Variants in ANAPC1 observed in about 807,000 individuals in gnomAD.
The protein encoded by ANAPC1 is anaphase-promoting complex subunit 1.
ANAPC1 carries 36 observed loss-of-function variants against 208.0 expected under a neutral mutation model. The ratio of observed to expected loss-of-function variants is 0.17; its 90% CI spans 0.13 to 0.23. ANAPC1 has a LOEUF of 0.23. Among genes scored for constraint, ANAPC1 ranks in the 10% least tolerant of loss-of-function variants. ANAPC1 has a pLI of 1.00. For synonymous variants in ANAPC1, 378 were observed against 695.2 expected (o/e 0.54, Z 7.18); for missense variants, 942 against 2,011.6 (o/e 0.47, Z 10.17).
In ANAPC1 at chr2:111,843,590, C is replaced by T. The variant is rs928647556; in HGVS notation, c.1862G>A (p.Cys621Tyr). ...EIATSELVQT[C>Y]LQAIKFILPK... The stretch of plus-strand genomic sequence containing the variant: ...CAGGATAAACTTAATTGCTTGCAAA[C>T]ACGTTTGTACTATTAAAAGCAAAGA... The change falls in exon 17 of 48, where the codon TGT becomes TAT. Residue 621 changes from cysteine to tyrosine, a missense_variant. Coordinates refer to ENST00000341068, the MANE Select transcript of ANAPC1 (RefSeq NM_022662.4). 1.9e-6 allele frequency: 3 copies of T among 1,609,026 alleles called. No individual in the cohort carries two copies. In the African/African-American group the frequency reaches 4.0e-5, roughly 22 times the overall value.
At chr2:111,883,290 A>T (rs77024961) in intron 1 of ANAPC1, among the ~76,000 whole-genome samples, 3,334 of 151,866 alleles carry the variant, frequency 0.022, 111 homozygotes, top group African/African-American at 0.075. Flanking sequence ...ACTTTATGAA[A>T]CTTTAGTTCT....
At chr2:111,824,938 A>G (rs372554847) in intron 24 of ANAPC1, 28 bp downstream of exon 24, 27 of 1,613,176 alleles carry the variant, frequency 1.7e-5, no homozygotes, top group Non-Finnish European at 2.2e-5. Flanking sequence ...AGCACGGCCT[A>G]GTTAGGAGGT....
intron 28 of ANAPC1, 132 bp downstream of exon 28, chr2:111,815,238 T>A: frequency 5.1e-6 from 1 of 194,620 alleles, no homozygotes; most frequent in South Asian, 5.7e-5. Context: ...TTTAGAAAGA[T>A]TATTCCATGT....
intron 7 of ANAPC1, among the ~76,000 whole-genome samples, chr2:111,866,937 T>C (rs1166963630): frequency 6.6e-5 from 10 of 152,204 alleles, no homozygotes. Context: ...GGCAGTTTGC[T>C]GTCCACATAC....
chr2:111,864,894 A>C lies in ANAPC1; in HGVS notation c.743T>G (p.Phe248Cys), dbSNP rs1459073483. 8 of 1,611,748 alleles carry C rather than the reference A, an allele frequency of 5.0e-6. No homozygotes were observed. Among genetic ancestry groups the C allele is most frequent in the Non-Finnish European group, 6.8e-6 (8 of 1,179,760 alleles). ...YVVDHAMKIV[F>C]LNTDPSIVMT... ...TACAATAGAGGGGTCAGTATTGAGG[A>C]AAACAATTTTCATTGCATGATCTAC... Residue 248 changes from phenylalanine to cysteine, a missense_variant, in exon 8 of 48, where the codon TTC becomes TGC. By Grantham distance (205) the Phe-to-Cys change is radical. Coordinates refer to ENST00000341068, the MANE Select transcript of ANAPC1 (RefSeq NM_022662.4).
intron 14 of ANAPC1, among the ~76,000 whole-genome samples, chr2:111,849,311 T>C (rs2104516251): frequency 6.6e-6 from 1 of 152,250 alleles, no homozygotes; most frequent in East Asian, 1.9e-4. Flanking sequence ...TCTAAAAAAG[T>C]TGGAAACCAT....
chr2:111,863,822 G>T lies in ANAPC1; in HGVS notation c.905C>A (p.Thr302Lys), dbSNP rs140170511. The T allele has an allele frequency of 4.9e-4, 792 of 1,613,830 alleles. No individual in the cohort carries two copies. The highest frequency in any genetic ancestry group is 6.5e-4 in the Non-Finnish European group (762 of 1,179,858). Residue 302 changes from threonine to lysine, a missense_variant, in exon 9 of 48, where the codon ACA becomes AAA. Thr to Lys is a moderately conservative substitution (Grantham distance 78). Coordinates refer to ENST00000341068, the MANE Select transcript of ANAPC1 (RefSeq NM_022662.4). ...PQNVATSSSL[T>K]AHLRSLSKGD... ...TTTGGAGAGGCTTCTGAGATGTGCT[G>T]TGAGGGAGCTGCTAGTGGCCACATT...
intron 46 of ANAPC1, among the ~76,000 whole-genome samples, chr2:111,773,615 G>C (rs1009145460): frequency 6.6e-6 from 1 of 151,980 alleles, no homozygotes; most frequent in Admixed American, 6.6e-5. Context: ...GCCTGAGGGA[G>C]AGTGGTCTTG....
At chr2:111,815,146 GAAAAAAAAA>G (rs1223576868) in intron 28 of ANAPC1, among the ~76,000 whole-genome samples, 1 of 68,524 alleles carries the variant, frequency 1.5e-5, no homozygotes, top group African/African-American at 5.6e-5. Flanking sequence ...CTTACTCAAG[GAAAAAAAAA>G]AAAAAAAAAA....
At chr2:111,868,721 C>A (rs1260477849) in intron 6 of ANAPC1, among the ~76,000 whole-genome samples, 1 of 152,056 alleles carries the variant, frequency 6.6e-6, no homozygotes, top group African/African-American at 2.4e-5. Flanking sequence ...TTAGTAGAGA[C>A]GGGGTTTCAC....
intron 21 of ANAPC1, among the ~76,000 whole-genome samples, chr2:111,830,918 T>A (rs185243391): frequency 1.3e-5 from 2 of 152,250 alleles, no homozygotes; most frequent in African/African-American, 4.8e-5. Context: ...GCAAAACTTA[T>A]GTTCACATAA....
At chr2:111,810,874 C>A (rs2104403543) in intron 28 of ANAPC1, among the ~76,000 whole-genome samples, 1 of 105,758 alleles carries the variant, frequency 9.5e-6, no homozygotes, top group Non-Finnish European at 1.9e-5. Flanking sequence ...CAGGGTGAGA[C>A]TCCACATCAA....
intron 3 of ANAPC1, among the ~76,000 whole-genome samples, chr2:111,875,736 G>C (rs1682991405): frequency 6.6e-6 from 1 of 152,162 alleles, no homozygotes; most frequent in Admixed American, 6.5e-5. Context: ...AGGCCCTTTG[G>C]TCTGTATACT....
chr2:111,807,677 G>A (rs1678756699), intron 29 of ANAPC1, among the ~76,000 whole-genome samples: 1 of 151,050 alleles, frequency 6.6e-6, no homozygotes, highest in Non-Finnish European at 1.5e-5. Flanking sequence ...GGGCAACAGA[G>A]CAAGACTCTC....
chr2:111,827,910 G>C (rs927124047), intron 21 of ANAPC1, among the ~76,000 whole-genome samples: 8 of 151,988 alleles, frequency 5.3e-5, no homozygotes, highest in African/African-American at 1.9e-4. Flanking sequence ...GAGCTAACAA[G>C]TTATAAAGGA....
At chr2:111,790,384 A>G (rs1677813094) in intron 38 of ANAPC1, among the ~76,000 whole-genome samples, 1 of 152,234 alleles carries the variant, frequency 6.6e-6, no homozygotes, top group Non-Finnish European at 1.5e-5. Context: ...GGATAACAAG[A>G]CTCATAAGAC....
chr2:111,853,761 G>C (rs1235238488), intron 13 of ANAPC1, among the ~76,000 whole-genome samples: 1 of 151,766 alleles, frequency 6.6e-6, no homozygotes, highest in Non-Finnish European at 1.5e-5. Context: ...CTGTCGCCCA[G>C]GCTGGAGTGC....
intron 13 of ANAPC1, among the ~76,000 whole-genome samples, chr2:111,855,530 T>C (rs1453081556): frequency 2.0e-5 from 3 of 152,192 alleles, no homozygotes; most frequent in African/African-American, 7.2e-5. Flanking sequence ...TCACACTGAA[T>C]GAGTAAACAA....
chr2:111,831,823 T>C, intron 20 of ANAPC1, among the ~76,000 whole-genome samples: 2 of 30,642 alleles, frequency 6.5e-5, no homozygotes, highest in Admixed American at 4.7e-4. Flanking sequence ...CGAGACTCTG[T>C]CTCAAAAAAA....
Sources: gnomAD v4.1 joint callset for allele counts (sites outside exome capture counted in the v4.1 genomes callset) on GRCh38, gnomAD v4.1.1 for gene constraint, MANE v1.5 for transcripts, NCBI Gene and HGNC (gene_info 2026-07-23, HGNC 2026-07-21) for gene names.